UPP2: variants seen among roughly 807,000 people sequenced by gnomAD.
UPP2 encodes uridine phosphorylase 2.
UPP2 carries 23 observed loss-of-function variants against 26.7 expected under a neutral mutation model. The observed-to-expected ratio is 0.86, with a 90% CI of 0.62 to 1.22. The LOEUF (loss-of-function observed/expected upper bound fraction) is 1.22, where lower values mean the gene tolerates loss of function less well. Ranked by LOEUF, UPP2 falls within the 50% of genes most tolerant of loss-of-function variation. The probability of loss-of-function intolerance (pLI) is 0.00; values close to 1 mark genes in which losing one functional copy is unlikely to be tolerated. For synonymous variants in UPP2, 127 were observed against 141.3 expected (o/e 0.90, Z 0.72); for missense variants, 387 against 396.7 (o/e 0.98, Z 0.21).
chr2:158,004,095 T>C (rs1028924735), intron 2 of UPP2, among the ~76,000 whole-genome samples: 1 of 152,202 alleles, frequency 6.6e-6, no homozygotes, highest in African/African-American at 2.4e-5. Flanking sequence ...TATTATCCCA[T>C]GGGAGAAAAG....
intron 6 of UPP2, among the ~76,000 whole-genome samples, chr2:158,125,914 G>C (rs1333449965): frequency 6.6e-6 from 1 of 152,190 alleles, no homozygotes; most frequent in Non-Finnish European, 1.5e-5. Context: ...GTGATCACTT[G>C]AGTCATGTCT....
At chr2:158,050,962 G>A (rs1442181899) in intron 3 of UPP2, among the ~76,000 whole-genome samples, 2 of 152,056 alleles carry the variant, frequency 1.3e-5, no homozygotes, top group Non-Finnish European at 2.9e-5. Context: ...TTGAGGGCAT[G>A]GATACACCAT....
At chr2:158,103,229 TATA>T (rs1683112136) in intron 1 of UPP2, among the ~76,000 whole-genome samples, 1 of 152,330 alleles carries the variant, frequency 6.6e-6, no homozygotes, top group South Asian at 2.1e-4. Context: ...AAGAAACTTC[TATA>T]GACAGTCCCC....
At chr2:158,017,921 T>C (rs995672438) in intron 3 of UPP2, among the ~76,000 whole-genome samples, 3 of 152,262 alleles carry the variant, frequency 2.0e-5, no homozygotes, top group African/African-American at 4.8e-5. Context: ...AAAATAGTTG[T>C]ATAGTTGTAG....
intron 3 of UPP2, among the ~76,000 whole-genome samples, chr2:158,025,364 C>G (rs957807274): frequency 3.9e-5 from 6 of 152,168 alleles, no homozygotes; most frequent in Admixed American, 3.9e-4. Flanking sequence ...AGCCTTTCTT[C>G]CCAGCAACTC....
At chr2:158,126,793 A>G (rs1361802916) in intron 6 of UPP2, 1 of 152,156 alleles carries the variant, frequency 6.6e-6, no homozygotes, top group Non-Finnish European at 1.5e-5. Flanking sequence ...ATATGGAAAA[A>G]AAGATTTCAC....
At position 158,117,958 on chromosome 2, in the gene UPP2, A is replaced by G; in HGVS notation, c.454+20A>G. ...GAATAGGTGAGACGGATTGATGTCT[A>G]CTATTAGAACTGAGTGATCCTTACA... On this transcript the variant is annotated intron_variant, in intron 4 of 6. Transcript: ENST00000005756. 2 of 1,563,856 alleles carry G rather than the reference A, an allele frequency of 1.3e-6. No individual in the cohort carries two copies. Among genetic ancestry groups the G allele is most frequent in the Non-Finnish European group, 1.8e-6 (2 of 1,133,864 alleles).
chr2:158,117,284 A>C (rs368621335), intron 3 of UPP2, among the ~76,000 whole-genome samples: 1 of 151,966 alleles, frequency 6.6e-6, no homozygotes, highest in African/African-American at 2.4e-5. Context: ...ACTCACTTCC[A>C]TGTTCAGTTT....
intron 3 of UPP2, among the ~76,000 whole-genome samples, chr2:158,089,270 T>A (rs915684458): frequency 1.1e-4 from 16 of 152,114 alleles, no homozygotes; most frequent in African/African-American, 3.9e-4. Flanking sequence ...GGGAAAGTTG[T>A]TAGTTACAGG....
intron 3 of UPP2, among the ~76,000 whole-genome samples, chr2:158,056,674 C>G (rs1333308460): frequency 1.3e-5 from 2 of 152,178 alleles, no homozygotes; most frequent in Non-Finnish European, 2.9e-5. Context: ...CGTCAAATGG[C>G]CTTCTCCATG....
chr2:158,107,695 A>T (rs1683224560), intron 2 of UPP2, among the ~76,000 whole-genome samples: 2 of 152,100 alleles, frequency 1.3e-5, no homozygotes, highest in Non-Finnish European at 2.9e-5. Context: ...GAGAAGAAAT[A>T]GATCTATTAT....
chr2:158,093,307 A>AC (rs1682939228), intron 3 of UPP2, among the ~76,000 whole-genome samples: 2 of 125,774 alleles, frequency 1.6e-5, no homozygotes, highest in African/African-American at 7.0e-5. Flanking sequence ...CACACACACA[A>AC]TTAGAAAAAA....
Position 158,106,300 on chromosome 2 carries a change from C to T in UPP2, c.180+84C>T, listed in dbSNP as rs972291283. On this transcript the variant is annotated intron_variant, in intron 2 of 6. Coordinates refer to ENST00000005756, the MANE Select transcript of UPP2 (RefSeq NM_173355.4). ...TTACCTTGCCAAAATAATCTATACA[C>T]CTTTGGCTAGCACAGTCCCAATAGG... 4.2e-5 allele frequency: 50 copies of T among 1,195,322 alleles called. No individual in the cohort carries two copies. In the Admixed American group the frequency reaches 1.0e-3, roughly 24 times the overall value. 74.0% of individuals were successfully genotyped at this position (1,195,322 alleles called of 1,614,324 possible). A position where few individuals can be genotyped will look rare whatever the true frequency, so the allele number is the denominator to read the frequency against.
chr2:158,118,023 C>A, intron 4 of UPP2, 85 bp downstream of exon 4: 1 of 1,145,614 alleles, frequency 8.7e-7, no homozygotes, highest in Non-Finnish European at 1.3e-6. Context: ...TATTCAGAGC[C>A]CAGCAAAAGC....
At chr2:158,089,952 T>C (rs965049019) in intron 3 of UPP2, among the ~76,000 whole-genome samples, 1 of 152,132 alleles carries the variant, frequency 6.6e-6, no homozygotes, top group Non-Finnish European at 1.5e-5. Context: ...AAGTTCATGA[T>C]GTTAGTCTCT....
At position 158,106,115 on chromosome 2, in the gene UPP2, G is replaced by A. The variant is rs146983869; in HGVS notation, c.79G>A (p.Val27Ile). The change falls in exon 2 of 7, where the codon GTT becomes ATT. Residue 27 changes from valine to isoleucine, a missense_variant. Coordinates refer to ENST00000005756, the MANE Select transcript of UPP2 (RefSeq NM_173355.4). ...TTTTTCCAGAAAAAGGTTTGTTCAC[G>A]TTAAAAATCCTTACTTGGATTTGAT... ...NTYVGKRFVH[V>I]KNPYLDLMDE... The A allele has an allele frequency of 5.3e-5, 84 of 1,594,610 alleles. No homozygotes were observed. Among genetic ancestry groups the A allele is most frequent in the African/African-American group, 8.1e-5 (6 of 73,682 alleles).
intron 3 of UPP2, among the ~76,000 whole-genome samples, chr2:158,058,714 C>T (rs1682302670): frequency 1.3e-5 from 2 of 152,148 alleles, no homozygotes; most frequent in East Asian, 3.9e-4. Context: ...CTATAAGATG[C>T]TCCAGGCTTG....
intron 6 of UPP2, among the ~76,000 whole-genome samples, chr2:158,130,458 A>C (rs889445941): frequency 2.7e-3 from 196 of 73,546 alleles, no homozygotes; most frequent in African/African-American, 0.011. Context: ...CTCAAAAAAA[A>C]AAACAAAAAA....
chr2:158,041,770 G>A (rs1452556156), intron 3 of UPP2, among the ~76,000 whole-genome samples: 1 of 152,258 alleles, frequency 6.6e-6, no homozygotes, highest in Non-Finnish European at 1.5e-5. Context: ...TTTCCCATCC[G>A]ATGTTGGAAT....
Sources: gnomAD v4.1 joint callset for allele counts (sites outside exome capture counted in the v4.1 genomes callset) on GRCh38, gnomAD v4.1.1 for gene constraint, MANE v1.5 for transcripts, NCBI Gene and HGNC (gene_info 2026-07-23, HGNC 2026-07-21) for gene names.